ROR1: variants seen among roughly 807,000 people sequenced by gnomAD.
ROR1 encodes the protein inactive tyrosine-protein kinase transmembrane receptor ROR1.
ROR1 carries 19 observed loss-of-function variants against 78.8 expected under a neutral mutation model. The ratio of observed to expected loss-of-function variants is 0.24; its 90% CI spans 0.17 to 0.35. ROR1 has a LOEUF of 0.35. ROR1 is among the 10% of genes least tolerant of loss of function. The pLI is 1.00. For missense variants in ROR1, 917 were observed against 1,177.8 expected, an observed-to-expected ratio of 0.78 and a Z score of 3.24; for synonymous variants, 386 against 433.6, an observed-to-expected ratio of 0.89 and a Z score of 1.36.
rs1156409220 is a variant in ROR1, at chr1:64,178,674, A to G, written c.2633A>G (p.Gln878Arg). The G allele has an allele frequency of 6.2e-7, 1 of 1,614,160 alleles. No homozygotes were observed. Among genetic ancestry groups the G allele is most frequent in the Non-Finnish European group, 8.5e-7 (1 of 1,180,038 alleles). Residue 878 changes from glutamine to arginine, a missense_variant, in exon 9 of 9, where the codon CAG becomes CGG. This residue lies in a region of ROR1 where 835 missense variants were observed against 1,069.8 expected (regional missense o/e 0.78). Coordinates refer to ENST00000371079, the MANE Select transcript of ROR1 (RefSeq NM_005012.4). The surrounding 1 kb of genome is among the most constrained non-coding windows in gnomAD (Gnocchi z 4.3). ...AGCTTGCCCTCATCAGGATCCAATC[A>G]GGAAGCAAATATTCCTTTACTACCA... ...VTSLPSSGSN[Q>R]EANIPLLPHM... is the part of the protein sequence containing the mutation.
At chr1:64,107,237 T>C (rs978028279) in intron 4 of ROR1, among the ~76,000 whole-genome samples, 1 of 152,186 alleles carries the variant, frequency 6.6e-6, no homozygotes, top group Non-Finnish European at 1.5e-5. Context: ...ACGACAAAAG[T>C]GAGGCACTGA....
intron 1 of ROR1, among the ~76,000 whole-genome samples, chr1:63,787,613 G>T (rs781523491): frequency 6.7e-6 from 1 of 148,974 alleles, no homozygotes; most frequent in Non-Finnish European, 1.5e-5. Flanking sequence ...TACAACCTCC[G>T]CCTCCCAGGT....
chr1:63,964,954 A>G (rs555650269), intron 1 of ROR1, among the ~76,000 whole-genome samples: 1 of 152,210 alleles, frequency 6.6e-6, no homozygotes, highest in Non-Finnish European at 1.5e-5. Flanking sequence ...GGATGTGCTA[A>G]GAGTTTGCTT....
intron 1 of ROR1, among the ~76,000 whole-genome samples, chr1:63,980,915 G>T (rs1463281674): frequency 6.6e-6 from 1 of 152,218 alleles, no homozygotes; most frequent in Non-Finnish European, 1.5e-5. Flanking sequence ...AAGTTTTCAG[G>T]AGACAGCACA....
At chr1:64,099,311 G>T (rs1043625619) in intron 4 of ROR1, among the ~76,000 whole-genome samples, 5 of 152,174 alleles carry the variant, frequency 3.3e-5, no homozygotes, top group Non-Finnish European at 1.5e-5. Context: ...TCTGTGTTCA[G>T]TTCTGGCGAT....
chr1:63,855,957 G>A (rs1284854016), intron 1 of ROR1, among the ~76,000 whole-genome samples: 2 of 151,982 alleles, frequency 1.3e-5, no homozygotes, highest in African/African-American at 4.8e-5. Context: ...ACGCCCTGCT[G>A]ATGTAGCTCT....
At chr1:63,831,138 G>A (rs933729586) in intron 1 of ROR1, among the ~76,000 whole-genome samples, 1 of 152,190 alleles carries the variant, frequency 6.6e-6, no homozygotes, top group Non-Finnish European at 1.5e-5. Flanking sequence ...TCATGGGCTG[G>A]CATTGAGTGC....
chr1:63,775,461 C>G (rs546274750), intron 1 of ROR1: 2 of 152,166 alleles, frequency 1.3e-5, no homozygotes, highest in African/African-American at 4.8e-5. Flanking sequence ...TCGGGCCTCA[C>G]TTTTAACATG....
At chr1:63,965,721 G>A (rs1569986445) in intron 1 of ROR1, among the ~76,000 whole-genome samples, 1 of 152,138 alleles carries the variant, frequency 6.6e-6, no homozygotes, top group South Asian at 2.1e-4. Context: ...TCCTGGTCTA[G>A]GGACTCAGTT....
intron 1 of ROR1, among the ~76,000 whole-genome samples, chr1:63,845,286 A>G (rs542219145): frequency 1.3e-5 from 2 of 152,310 alleles, no homozygotes; most frequent in Non-Finnish European, 1.5e-5. Flanking sequence ...TCCCTGAAAG[A>G]ACAGCTACTC....
chr1:63,994,201 A>AT lies in ROR1; in HGVS notation c.92-15096dup, dbSNP rs558267153. ...GTCCACTTATCTATTTCCTCCTTGG[A>AT]TTTTTTTTCTTTCTGATTGGTAGGA... is the stretch of plus-strand genomic sequence containing the variant. On this transcript the variant is annotated intron_variant, in intron 1 of 8. Coordinates refer to ENST00000371079, the MANE Select transcript of ROR1 (RefSeq NM_005012.4). 1.2e-4 allele frequency among the ~76,000 whole-genome samples: 18 copies of AT among 151,530 alleles called. No homozygotes were observed. The South Asian group carries it at 3.7e-3, about 32-fold the overall frequency.
At chr1:63,843,682 G>T (rs1388421510) in intron 1 of ROR1, 1 of 544,184 alleles carries the variant, frequency 1.8e-6, no homozygotes, top group Non-Finnish European at 3.6e-6. Context: ...CACACCAGAG[G>T]CCATGTTTCC....
intron 1 of ROR1, among the ~76,000 whole-genome samples, chr1:63,908,549 G>A (rs1645545454): frequency 6.6e-6 from 1 of 152,186 alleles, no homozygotes; most frequent in African/African-American, 2.4e-5. Context: ...GTATTTATAT[G>A]TATAGGGATG....
At chr1:63,995,897 A>T (rs1447260656) in intron 1 of ROR1, among the ~76,000 whole-genome samples, 1 of 152,174 alleles carries the variant, frequency 6.6e-6, no homozygotes, top group Non-Finnish European at 1.5e-5. Context: ...GCAAGTCTAG[A>T]TTCAATGGTA....
chr1:63,856,304 G>T (rs1418953919), intron 1 of ROR1, among the ~76,000 whole-genome samples: 1 of 152,194 alleles, frequency 6.6e-6, no homozygotes, highest in Non-Finnish European at 1.5e-5. Context: ...GACTGAAATA[G>T]TTGTACTTAG....
chr1:63,843,092 C>G (rs1310427319), intron 1 of ROR1: 13 of 537,900 alleles, frequency 2.4e-5, no homozygotes, highest in Non-Finnish European at 3.4e-6. Flanking sequence ...CTGCTGGGAT[C>G]CCCCCAGCCC....
rs765681847 is a variant in ROR1, at chr1:64,178,668, C to T, written c.2627C>T (p.Ser876Phe). 8.7e-6 allele frequency: 14 copies of T among 1,613,990 alleles called. No individual in the cohort carries two copies. In the South Asian group the frequency reaches 1.5e-4, roughly 18 times the overall value. Residue 876 changes from serine to phenylalanine, a missense_variant, in exon 9 of 9, where the codon TCC becomes TTC. This residue lies in a region of ROR1 where 835 missense variants were observed against 1,069.8 expected (regional missense o/e 0.78). Coordinates refer to ENST00000371079, the MANE Select transcript of ROR1 (RefSeq NM_005012.4). The surrounding 1 kb of genome is among the most constrained non-coding windows in gnomAD (Gnocchi z 4.3). ...GTGACTAGCTTGCCCTCATCAGGAT[C>T]CAATCAGGAAGCAAATATTCCTTTA... Reference protein sequence around the residue: ...GHVTSLPSSGSNQEANIPLLP... With the variant: ...GHVTSLPSSGFNQEANIPLLP...
chr1:63,967,751 C>T (rs918996083), intron 1 of ROR1, among the ~76,000 whole-genome samples: 1 of 152,170 alleles, frequency 6.6e-6, no homozygotes, highest in Non-Finnish European at 1.5e-5. Flanking sequence ...CCTCAGGGCC[C>T]CAGCTTCCTC....
At chr1:63,818,649 G>A (rs886259280) in intron 1 of ROR1, among the ~76,000 whole-genome samples, 3 of 152,160 alleles carry the variant, frequency 2.0e-5, no homozygotes, top group African/African-American at 7.2e-5. Context: ...TTATGTTTAG[G>A]TAGAGCCCAA....
Sources: allele counts gnomAD v4.1 joint callset (sites outside exome capture counted in the v4.1 genomes callset), GRCh38; gene constraint gnomAD v4.1.1; regional missense constraint gnomAD v4.1.1; non-coding constraint Gnocchi (gnomAD v3.1); transcripts MANE v1.5; gene names NCBI Gene and HGNC (gene_info 2026-07-23, HGNC 2026-07-21).